SLIT3: variants seen among roughly 807,000 people sequenced by gnomAD.
SLIT3 encodes the protein slit homolog 3 protein.
SLIT3 carries 68 observed loss-of-function variants against 184.0 expected under a neutral mutation model. That is an observed-to-expected ratio of 0.37 (90% CI 0.30 to 0.45). The LOEUF (loss-of-function observed/expected upper bound fraction) is 0.45. Ranked by LOEUF, SLIT3 falls within the 20% of genes least tolerant of loss-of-function variation. The probability of loss-of-function intolerance (pLI) is 1.00; values close to 1 mark genes in which losing one functional copy is unlikely to be tolerated. For synonymous variants in SLIT3, 831 were observed against 828.6 expected (o/e 1.00, Z -0.05); for missense variants, 1,707 against 2,026.0 (o/e 0.84, Z 3.02).
intron 4 of SLIT3, among the ~76,000 whole-genome samples, chr5:168,962,850 T>A (rs957853603): frequency 1.3e-5 from 2 of 152,148 alleles, no homozygotes; most frequent in African/African-American, 4.8e-5. Flanking sequence ...TAAAATCCTC[T>A]CCTTCCCACT....
chr5:168,925,383 G>C (rs1761782957), intron 4 of SLIT3, among the ~76,000 whole-genome samples: 1 of 152,190 alleles, frequency 6.6e-6, no homozygotes, highest in Admixed American at 6.5e-5. Context: ...GAGCTGCCAT[G>C]TGGAGATTCT....
chr5:169,020,437 T>G (rs1259784961), intron 4 of SLIT3, among the ~76,000 whole-genome samples: 1 of 152,172 alleles, frequency 6.6e-6, no homozygotes, highest in Non-Finnish European at 1.5e-5. Context: ...GAGTTCTTAA[T>G]GATTACTCTT....
intron 3 of SLIT3, among the ~76,000 whole-genome samples, chr5:169,229,747 G>T (rs890970182): frequency 6.6e-6 from 1 of 151,836 alleles, no homozygotes; most frequent in South Asian, 2.1e-4. Flanking sequence ...TGGCTGTGCC[G>T]ATCTCAAAAT....
At chr5:168,815,462 C>T (rs763076093) in intron 8 of SLIT3, among the ~76,000 whole-genome samples, 7 of 152,264 alleles carry the variant, frequency 4.6e-5, no homozygotes, top group South Asian at 2.1e-4. Flanking sequence ...GGATGACTCT[C>T]GTACTCTATA....
At chr5:169,081,118 C>G (rs1759024080) in intron 4 of SLIT3, among the ~76,000 whole-genome samples, 1 of 152,186 alleles carries the variant, frequency 6.6e-6, no homozygotes, top group Non-Finnish European at 1.5e-5. Flanking sequence ...TCTGCACAAT[C>G]ACGAAAGGCC....
chr5:168,692,808 C>A, intron 28 of SLIT3, 108 bp from the exon 29 acceptor site: 1 of 741,546 alleles, frequency 1.3e-6, no homozygotes, highest in East Asian at 2.7e-5. Context: ...CAGACTCATC[C>A]AGCCCCTGGT....
intron 20 of SLIT3, among the ~76,000 whole-genome samples, chr5:168,735,236 C>T (rs963455978): frequency 1.3e-5 from 2 of 152,340 alleles, no homozygotes; most frequent in East Asian, 3.9e-4. Context: ...AAACTCCACA[C>T]AGATCTCTGT....
chr5:168,748,604 G>A (rs975389363), intron 19 of SLIT3, among the ~76,000 whole-genome samples, 170 bp from the exon 20 acceptor site: 1 of 152,176 alleles, frequency 6.6e-6, no homozygotes, highest in East Asian at 1.9e-4. Flanking sequence ...GGCGGGTGTC[G>A]CCTACCTTTT....
chr5:168,806,402 T>A (rs527605719), intron 9 of SLIT3, 44 bp downstream of exon 9: 2 of 1,610,728 alleles, frequency 1.2e-6, no homozygotes, highest in East Asian at 4.5e-5. Context: ...GGGAGCTGAA[T>A]TCTCCGGCGA....
intron 4 of SLIT3, among the ~76,000 whole-genome samples, chr5:168,951,367 A>G (rs1445978863): frequency 6.6e-6 from 1 of 152,202 alleles, no homozygotes; most frequent in East Asian, 1.9e-4. Flanking sequence ...ATCTCAGGAG[A>G]TAACAGTCAC....
At chr5:169,088,430 A>G (rs1309517610) in intron 4 of SLIT3, among the ~76,000 whole-genome samples, 1 of 150,288 alleles carries the variant, frequency 6.7e-6, no homozygotes, top group Admixed American at 6.6e-5. Context: ...AACAACAGCG[A>G]CAATAACAAT....
intron 35 of SLIT3, 42 bp from the exon 36 acceptor site, chr5:168,666,731 G>C: frequency 6.2e-7 from 1 of 1,613,258 alleles, no homozygotes. Context: ...GGTCTAGGTG[G>C]CCAGCAGGAC....
chr5:168,872,360 T>C (rs1035177586), intron 5 of SLIT3, among the ~76,000 whole-genome samples: 2 of 152,172 alleles, frequency 1.3e-5, no homozygotes, highest in African/African-American at 4.8e-5. Flanking sequence ...CCATCCAACG[T>C]ACAAACCAAA....
intron 4 of SLIT3, among the ~76,000 whole-genome samples, chr5:168,958,089 G>A (rs1561573748): frequency 6.6e-6 from 1 of 152,176 alleles, no homozygotes; most frequent in African/African-American, 2.4e-5. Flanking sequence ...ATATTGAGTG[G>A]ATAGAGTAGT....
intron 31 of SLIT3, among the ~76,000 whole-genome samples, chr5:168,684,470 T>TTTTA (rs1561873061): frequency 7.9e-5 from 12 of 151,472 alleles, no homozygotes; most frequent in East Asian, 5.8e-4. Flanking sequence ...GAATAATAAG[T>TTTTA]CTTATTTATT....
At chr5:169,168,350 T>C (rs1762708453) in intron 4 of SLIT3, among the ~76,000 whole-genome samples, 1 of 152,244 alleles carries the variant, frequency 6.6e-6, no homozygotes, top group Non-Finnish European at 1.5e-5. Context: ...TCTTGTCTTC[T>C]ATTGTTCTAC....
At chr5:168,844,735 GT>G in intron 5 of SLIT3, 80 bp from the exon 6 acceptor site, 1 of 1,321,006 alleles carries the variant, frequency 7.6e-7, no homozygotes. Flanking sequence ...CCGAGCGCCT[GT>G]CCCTCCACCC....
chr5:169,175,192 G>A (rs894463897), intron 4 of SLIT3, among the ~76,000 whole-genome samples: 2 of 152,172 alleles, frequency 1.3e-5, no homozygotes, highest in African/African-American at 4.8e-5. Flanking sequence ...ATGAGTCAGA[G>A]AATAGACTGA....
chr5:169,085,279 C>G (rs1015281510), intron 4 of SLIT3, among the ~76,000 whole-genome samples: 1 of 152,156 alleles, frequency 6.6e-6, no homozygotes, highest in Non-Finnish European at 1.5e-5. Context: ...AGAATGAGAA[C>G]GGCTGGTCCA....
Sources: allele counts gnomAD v4.1 joint callset (sites outside exome capture counted in the v4.1 genomes callset), GRCh38; gene constraint gnomAD v4.1.1; transcripts MANE v1.5; gene names NCBI Gene and HGNC (gene_info 2026-07-23, HGNC 2026-07-21).